FLOT1: variants seen among roughly 807,000 people sequenced by gnomAD.
FLOT1 encodes the protein flotillin-1.
FLOT1 carries 40 observed loss-of-function variants against 58.4 expected under a neutral mutation model. The ratio of observed to expected loss-of-function variants is 0.69; its 90% confidence interval spans 0.53 to 0.89. The LOEUF is 0.89. Among genes scored for constraint, FLOT1 ranks in the 40% least tolerant of loss-of-function variants. FLOT1 has a pLI of 0.00. For missense variants in FLOT1, 423 were observed against 540.8 expected, an observed-to-expected ratio of 0.78 and a Z score of 2.16; for synonymous variants, 178 against 204.2, an observed-to-expected ratio of 0.87 and a Z score of 1.09.
Position 30,737,360 on chromosome 6 carries a change from G to A in FLOT1, c.723+2798C>T, listed in dbSNP as rs1322129213. ...CTCACTGTGCCTTCTGGATTCAAGC[G>A]ATTCTCACGCCTCAGCCTCCCAAGT... On this transcript the variant is annotated intron_variant, in intron 8 of 12. Transcript: ENST00000376389. This position sits in a 1 kb window ranked among gnomAD's most constrained non-coding sequence, Gnocchi z 4.4. Among the ~76,000 whole-genome samples the A allele has an allele frequency of 3.9e-5, 6 of 151,946 alleles. No homozygotes were observed. The highest frequency in any genetic ancestry group is 2.6e-4 in the Admixed American group (4 of 15,258).
intron 11 of FLOT1, 113 bp from the exon 12 acceptor site, chr6:30,730,299 GTCACTA>G: frequency 6.7e-7 from 1 of 1,500,842 alleles, no homozygotes; most frequent in Non-Finnish European, 9.1e-7. Flanking sequence ...CCTCACTTTG[GTCACTA>G]ATAATTCCCA....
At chr6:30,740,086 A>T in intron 8 of FLOT1, 72 bp downstream of exon 8, 1 of 1,402,546 alleles carries the variant, frequency 7.1e-7, no homozygotes, top group Non-Finnish European at 1.0e-6. Context: ...GAAATAGTGT[A>T]GTGGTGTCCT....
Position 30,741,533 on chromosome 6 carries a change from T to C in FLOT1, c.210+81A>G, listed in dbSNP as rs1777978044. 1 of 1,326,514 alleles carries C rather than the reference T, an allele frequency of 7.5e-7. No homozygotes were observed. The highest frequency in any genetic ancestry group is 1.1e-6 in the Non-Finnish European group (1 of 922,704). The allele number at this position is 1,326,514 out of a possible 1,614,324, so 82.2% of individuals were successfully genotyped here. On this transcript the variant is annotated intron_variant, in intron 4 of 12. Coordinates refer to ENST00000376389, the MANE Select transcript of FLOT1 (RefSeq NM_005803.4). The surrounding 1 kb of genome is among the most constrained non-coding windows in gnomAD (Gnocchi z 5.9). Reference sequence around the variant, plus strand: ...CTCTGCAGGCAAGGGTTGAGAAGACTGTGGCCAGAAGATGTCTTAATGTCT... The same window carrying C: ...CTCTGCAGGCAAGGGTTGAGAAGACCGTGGCCAGAAGATGTCTTAATGTCT...
intron 6 of FLOT1, 30 bp downstream of exon 6, chr6:30,740,649 A>C: frequency 6.2e-7 from 1 of 1,612,940 alleles, no homozygotes; most frequent in Non-Finnish European, 8.5e-7. Context: ...GGAGCAAGGA[A>C]GTGGGGAAGG....
chr6:30,740,912 AAGT>A (rs1350424816), intron 5 of FLOT1, 114 bp from the exon 6 acceptor site: 2 of 1,415,786 alleles, frequency 1.4e-6, no homozygotes, highest in East Asian at 5.0e-5. Flanking sequence ...TCAGCCTCCC[AAGT>A]AGCTGGGATT....
intron 8 of FLOT1, among the ~76,000 whole-genome samples, chr6:30,733,924 C>A (rs1402871048): frequency 1.3e-5 from 2 of 150,058 alleles, no homozygotes; most frequent in Non-Finnish European, 3.0e-5. Context: ...TGGTGGTGTG[C>A]CCCTGTGGTC....
At position 30,729,897 on chromosome 6, in the gene FLOT1, C is replaced by A. The variant is rs536419629; in HGVS notation, c.1254+125G>T. ...TGTAGAAGCTTAGCACTGTGTCTGG[C>A]ACACAGAAAGTGATTAATAAACATC... On this transcript the variant is annotated intron_variant, in intron 12 of 12. Coordinates refer to ENST00000376389, the MANE Select transcript of FLOT1 (RefSeq NM_005803.4). The A allele has an allele frequency of 1.5e-5, 12 of 804,396 alleles. No homozygotes were observed. The African/African-American group carries it at 1.9e-4, about 13-fold the overall frequency. 49.8% of individuals were successfully genotyped at this position (804,396 alleles called of 1,614,324 possible).
At chr6:30,728,576 T>G (rs1776913308) in intron 12 of FLOT1, among the ~76,000 whole-genome samples, 1 of 151,862 alleles carries the variant, frequency 6.6e-6, no homozygotes, top group Non-Finnish European at 1.5e-5. Flanking sequence ...TTCAAGTGAT[T>G]CTCCTGCCTC....
chr6:30,736,777 T>C (rs1777596858), intron 8 of FLOT1, among the ~76,000 whole-genome samples: 1 of 151,686 alleles, frequency 6.6e-6, no homozygotes. Context: ...GTATTTTTAG[T>C]AGAGACGGGG....
chr6:30,730,077 A>C lies in FLOT1; in HGVS notation c.1199T>G (p.Ile400Ser), dbSNP rs770279962. Reference protein sequence around the residue: ...AAKVTGEVLDILTRLPESVER... With the variant: ...AAKVTGEVLDSLTRLPESVER... ...CACACTCTCTGGCAGGCGAGTTAGA[A>C]TGTCCAGTACTTCCCCAGTCACTTT... is the stretch of plus-strand genomic sequence containing the variant. The change falls in exon 12 of 13, where the codon ATT becomes AGT. Residue 400 changes from isoleucine (I) to serine (S), a missense_variant. Around this residue, in one of 6 missense-constraint regions of FLOT1, gnomAD observed 44 missense variants for 40.3 expected, o/e 1.09. Transcript: ENST00000376389. 3.1e-6 allele frequency: 5 copies of C among 1,612,868 alleles called. No homozygotes were observed. The highest frequency in any genetic ancestry group is 4.2e-6 in the Non-Finnish European group (5 of 1,179,998).
intron 8 of FLOT1, among the ~76,000 whole-genome samples, chr6:30,738,349 T>TG (rs146726547): frequency 0.074 from 11,341 of 152,230 alleles, 686 homozygotes; most frequent in African/African-American, 0.16. Flanking sequence ...AAAGATGTTT[T>TG]TACCTTCATT....
chr6:30,737,849 TGCCTCACCTCCATATTTATA>T lies in FLOT1; in HGVS notation c.723+2289_723+2308del, dbSNP rs1003117453. 3.1e-4 allele frequency among the ~76,000 whole-genome samples: 47 copies of T among 152,342 alleles called. No individual in the cohort carries two copies. The highest frequency in any genetic ancestry group is 1.1e-3 in the African/African-American group (47 of 41,590). On this transcript the variant is annotated intron_variant, in intron 8 of 12. Coordinates refer to ENST00000376389, the MANE Select transcript of FLOT1 (RefSeq NM_005803.4). The surrounding 1 kb of genome is among the most constrained non-coding windows in gnomAD (Gnocchi z 4.4). ...GCTGCATAAGGGCAGGAATCTTTTC[TGCCTCACCTCCATATTTATA>T]GCCTCACCTCCAAAATGGTGTCTAG...
In FLOT1 at chr6:30,741,860, G is replaced by A; in HGVS notation, c.51C>T (p.Cys17=). The A allele has an allele frequency of 1.2e-6, 2 of 1,612,422 alleles. No homozygotes were observed. The highest frequency in any genetic ancestry group is 1.7e-6 in the Non-Finnish European group (2 of 1,179,946). The change falls in exon 3 of 13, where the codon TGC becomes TGT. Residue 17 remains cysteine (C), a synonymous_variant. Transcript: ENST00000376389. This position sits in a 1 kb window ranked among gnomAD's most constrained non-coding sequence, Gnocchi z 5.9. Reference sequence around the variant, plus strand: ...CAGCCACCATGACTGGGGGGCTTCGGCAGAACCCTGCAAGGTGTGGGGCAG... The same window carrying A: ...CAGCCACCATGACTGGGGGGCTTCGACAGAACCCTGCAAGGTGTGGGGCAG... The part of the protein sequence containing the change: ...PNEAMVVSGF[C]RSPPVMVAGG...
rs1273110658 is a variant in FLOT1, at chr6:30,741,307, C to A, written c.237G>T (p.Glu79Asp). 6.2e-7 allele frequency: 1 copy of A among 1,613,126 alleles called. No homozygotes were observed. Among genetic ancestry groups the A allele is most frequent in the South Asian group, 1.1e-5 (1 of 91,090 alleles). ...AQVKIQGQNKEMLAAACQMFL... is the reference protein window; with the variant it reads ...AQVKIQGQNKDMLAAACQMFL... ...ACATCTGACAGGCGGCCGCCAACATCTCCTTGTTCTGCCCCTGGATTTTTA... is the reference window on the plus strand; with the variant it reads ...ACATCTGACAGGCGGCCGCCAACATATCCTTGTTCTGCCCCTGGATTTTTA... The change falls in exon 5 of 13, where the codon GAG becomes GAT. Residue 79 changes from glutamate to aspartate, a missense_variant. Glu to Asp is a conservative substitution (Grantham distance 45). This residue lies in a region of FLOT1 where 91 missense variants were observed against 118.3 expected (regional missense o/e 0.77). Coordinates refer to ENST00000376389, the MANE Select transcript of FLOT1 (RefSeq NM_005803.4). The surrounding 1 kb of genome is among the most constrained non-coding windows in gnomAD (Gnocchi z 5.9).
In FLOT1 at chr6:30,728,040, C is replaced by G. The variant is rs1776853168; in HGVS notation, c.*76G>C. ...TGTCAATGGACATGCTCAGGGAGGC[C>G]AGTGGGTTACATGCAACAGGAGGAT... On this transcript the variant is annotated 3_prime_UTR_variant, in exon 13 of 13. Transcript: ENST00000376389. 1 of 1,330,980 alleles carries G rather than the reference C, an allele frequency of 7.5e-7. No homozygotes were observed. The highest frequency in any genetic ancestry group is 1.4e-5 in the African/African-American group (1 of 69,208). The allele number at this position is 1,330,980 out of a possible 1,614,324, so 82.4% of individuals were successfully genotyped here. A position where few individuals can be genotyped will look rare whatever the true frequency, so the allele number is the denominator to read the frequency against.
chr6:30,730,186 C>T lies in FLOT1; in HGVS notation c.1090G>A (p.Val364Met). 1 of 1,612,866 alleles carries T rather than the reference C, an allele frequency of 6.2e-7. No homozygotes were observed. Among genetic ancestry groups the T allele is most frequent in the South Asian group, 1.1e-5 (1 of 91,074 alleles). The change falls in exon 12 of 13, where the codon GTG (valine) becomes ATG (methionine). Residue 364 changes from valine (V) to methionine (M), a missense_variant and splice_region_variant. Physicochemically the swap from Val to Met is conservative, Grantham distance 21 (BLOSUM62 1). Transcript: ENST00000376389. ...LDMLLEKLPQ[V>M]AEEISGPLTS... is the part of the protein sequence containing the mutation. ...AAGGGACCACTGATCTCCTCTGCCA[C>T]CTGGCAGGAGAGAGACACCCACTCA...
chr6:30,737,262 A>ATCCG lies in FLOT1; in HGVS notation c.723+2895_723+2896insCGGA, dbSNP rs1562188657. Among the ~76,000 whole-genome samples the ATCCG allele has an allele frequency of 3.3e-4, 45 of 136,454 alleles. No homozygotes were observed. Among genetic ancestry groups the ATCCG allele is most frequent in the Admixed American group, 3.2e-3 (40 of 12,344 alleles). 89.5% of individuals were successfully genotyped at this position (136,454 alleles called of 152,430 possible). ...CGTCCGTCCGTCCATCCGTCCATCC[A>ATCCG]TCCATCCATATATCTATCTTAGAAG... is the stretch of plus-strand genomic sequence containing the variant. On this transcript the variant is annotated intron_variant, in intron 8 of 12. Transcript: ENST00000376389. This position sits in a 1 kb window ranked among gnomAD's most constrained non-coding sequence, Gnocchi z 4.4.
intron 5 of FLOT1, 43 bp from the exon 6 acceptor site, chr6:30,740,841 T>A: frequency 6.4e-7 from 1 of 1,551,224 alleles, no homozygotes; most frequent in Non-Finnish European, 8.6e-7. Flanking sequence ...TAAGTTTTTT[T>A]TTTTTTTTTT....
In FLOT1 at chr6:30,727,763, G is replaced by A. The variant is rs1247874237; in HGVS notation, c.*353C>T. Reference sequence around the variant, plus strand: ...TACTTACTTACAGCAATTTATTTGGGTAGCAAAGTTGAAAACCTCCAGCCC... The same window carrying A: ...TACTTACTTACAGCAATTTATTTGGATAGCAAAGTTGAAAACCTCCAGCCC... On this transcript the variant is annotated 3_prime_UTR_variant, in exon 13 of 13. Coordinates refer to ENST00000376389, the MANE Select transcript of FLOT1 (RefSeq NM_005803.4). The A allele has an allele frequency of 2.9e-5, 12 of 411,070 alleles. No homozygotes were observed. In the South Asian group the frequency reaches 4.4e-4, roughly 15 times the overall value. 25.5% of individuals were successfully genotyped at this position (411,070 alleles called of 1,614,324 possible).
Sources: allele counts gnomAD v4.1 joint callset (sites outside exome capture counted in the v4.1 genomes callset), GRCh38; gene constraint gnomAD v4.1.1; regional missense constraint gnomAD v4.1.1; non-coding constraint Gnocchi (gnomAD v3.1); transcripts MANE v1.5; gene names NCBI Gene and HGNC (gene_info 2026-07-23, HGNC 2026-07-21).